Variants in NELL1 observed in about 807,000 individuals in gnomAD.
The protein encoded by NELL1 is neural EGFL like 1, also known as protein kinase C-binding protein NELL1.
NELL1 carries 76 observed loss-of-function variants against 107.4 expected under a neutral mutation model. The observed-to-expected ratio is 0.71, with a 90% CI of 0.59 to 0.86. The LOEUF is 0.86. Ranked by LOEUF, NELL1 falls within the 40% of genes least tolerant of loss-of-function variation. The pLI is 0.00. For synonymous variants in NELL1, 353 were observed against 341.2 expected (o/e 1.03, Z -0.38); for missense variants, 1,024 against 1,005.5 (o/e 1.02, Z -0.25).
chr11:21,119,854 C>T (rs1855325012), intron 13 of NELL1, among the ~76,000 whole-genome samples: 1 of 152,050 alleles, frequency 6.6e-6, no homozygotes, highest in Non-Finnish European at 1.5e-5. Context: ...CAACTAAACT[C>T]CCCGTGTTTC....
intron 13 of NELL1, among the ~76,000 whole-genome samples, chr11:21,207,492 C>T (rs1347198754): frequency 6.6e-6 from 1 of 151,986 alleles, no homozygotes; most frequent in African/African-American, 2.4e-5. Flanking sequence ...AGAAACAGAC[C>T]CACATCACAC....
intron 12 of NELL1, among the ~76,000 whole-genome samples, chr11:20,983,152 G>GT (rs1453656277): frequency 6.6e-6 from 1 of 152,082 alleles, no homozygotes; most frequent in East Asian, 1.9e-4. Context: ...TTATAGTTCT[G>GT]TATCAGTATC....
chr11:21,323,153 T>C (rs959648853), intron 14 of NELL1, among the ~76,000 whole-genome samples: 5 of 152,186 alleles, frequency 3.3e-5, no homozygotes, highest in Non-Finnish European at 7.3e-5. Flanking sequence ...AGTGGCTTTA[T>C]TATTATCTGG....
At chr11:21,007,321 A>C (rs1852348480) in intron 12 of NELL1, among the ~76,000 whole-genome samples, 1 of 152,082 alleles carries the variant, frequency 6.6e-6, no homozygotes, top group African/African-American at 2.4e-5. Context: ...AGAAGACATA[A>C]TAACATGTGA....
chr11:21,373,065 C>G (rs548788391), intron 15 of NELL1, among the ~76,000 whole-genome samples: 1 of 152,118 alleles, frequency 6.6e-6, no homozygotes, highest in African/African-American at 2.4e-5. Context: ...TGAACTCTTG[C>G]ACAGTCATCA....
chr11:21,295,789 G>A (rs978797555), intron 14 of NELL1, among the ~76,000 whole-genome samples: 2 of 151,922 alleles, frequency 1.3e-5, no homozygotes, highest in African/African-American at 2.4e-5. Flanking sequence ...CACTGATATG[G>A]GAAGCTACTG....
At position 21,560,373 on chromosome 11, in the gene NELL1, C is replaced by T; in HGVS notation, c.1971C>T (p.Cys657=). ...WTLKEDRCSV[C]SCKDGKIFCR... ...TGAAAGAAGACAGGTGTTCTGTCTG[C>T]TCCTGCAAGGTGAGGCTGATGTGGT... Residue 657 remains cysteine, a synonymous_variant, in exon 17 of 20, where the codon TGC becomes TGT. Transcript: ENST00000357134. 6.3e-7 allele frequency: 1 copy of T among 1,579,464 alleles called. No individual in the cohort carries two copies. Among genetic ancestry groups the T allele is most frequent in the Non-Finnish European group, 8.6e-7 (1 of 1,164,394 alleles).
At chr11:21,507,436 A>G (rs1241096749) in intron 15 of NELL1, among the ~76,000 whole-genome samples, 1 of 152,334 alleles carries the variant, frequency 6.6e-6, no homozygotes, top group Middle Eastern at 3.4e-3. Flanking sequence ...TCTTTCATTT[A>G]AAGACTTTAA....
intron 4 of NELL1, among the ~76,000 whole-genome samples, chr11:20,865,791 T>G (rs1849084609): frequency 6.6e-6 from 1 of 152,186 alleles, no homozygotes; most frequent in Non-Finnish European, 1.5e-5. Flanking sequence ...CCTCACAGTT[T>G]ATGTACTCCT....
At chr11:21,177,055 C>T (rs992107640) in intron 13 of NELL1, among the ~76,000 whole-genome samples, 4 of 151,602 alleles carry the variant, frequency 2.6e-5, no homozygotes, top group Non-Finnish European at 2.9e-5. Context: ...TCAAATCAGG[C>T]TAATTAACAT....
chr11:21,279,494 T>C (rs183427447), intron 14 of NELL1, among the ~76,000 whole-genome samples: 1 of 152,182 alleles, frequency 6.6e-6, no homozygotes. Flanking sequence ...AATAAACATA[T>C]GAGAAGATGC....
intron 7 of NELL1, among the ~76,000 whole-genome samples, chr11:20,926,239 A>G (rs1226976906): frequency 6.6e-6 from 1 of 152,156 alleles, no homozygotes; most frequent in African/African-American, 2.4e-5. Context: ...AAAGTGCTGT[A>G]TTTAGGGTTT....
intron 13 of NELL1, among the ~76,000 whole-genome samples, chr11:21,202,589 T>C (rs1337969911): frequency 6.6e-6 from 1 of 152,178 alleles, no homozygotes; most frequent in Admixed American, 6.5e-5. Context: ...CCTGGATTCA[T>C]TGATTTTCTG....
intron 13 of NELL1, among the ~76,000 whole-genome samples, chr11:21,161,314 G>C (rs556887369): frequency 1.9e-4 from 29 of 152,274 alleles, no homozygotes; most frequent in Admixed American, 5.2e-4. Context: ...GAGACAGGCA[G>C]ATCATTTGAG....
chr11:20,752,078 C>T (rs1454645114), intron 2 of NELL1, among the ~76,000 whole-genome samples: 1 of 152,076 alleles, frequency 6.6e-6, no homozygotes, highest in African/African-American at 2.4e-5. Context: ...TGCCTTATTG[C>T]ACTGATCAGT....
intron 16 of NELL1, among the ~76,000 whole-genome samples, chr11:21,556,579 C>T (rs1198498390): frequency 6.6e-6 from 1 of 151,864 alleles, no homozygotes; most frequent in African/African-American, 2.4e-5. Flanking sequence ...ATTCTATTTT[C>T]TTACATGCCC....
rs539789883 is a variant in NELL1 at position 21,492,639 on chromosome 11, G to A, written c.1646-41735G>A. The stretch of plus-strand genomic sequence containing the variant: ...AAATCATCATTCTCAGTAAACTATC[G>A]CAAGGACAAAAAACCAAACACTGCA... On this transcript the variant is annotated intron_variant, in intron 15 of 19. Coordinates refer to ENST00000357134, the MANE Select transcript of NELL1 (RefSeq NM_006157.5). Among the ~76,000 whole-genome samples, 204 of 150,250 alleles carry A rather than the reference G, an allele frequency of 1.4e-3. 2 individuals carry two copies. The highest frequency in any genetic ancestry group is 4.8e-3 in the African/African-American group (195 of 40,892).
At chr11:21,379,443 T>G (rs1851558605) in intron 15 of NELL1, among the ~76,000 whole-genome samples, 1 of 152,086 alleles carries the variant, frequency 6.6e-6, no homozygotes, top group Non-Finnish European at 1.5e-5. Flanking sequence ...GTTTTTGAAA[T>G]ATAGTAAGTA....
chr11:21,060,233 T>C (rs1370292561), intron 12 of NELL1, among the ~76,000 whole-genome samples: 1 of 152,220 alleles, frequency 6.6e-6, no homozygotes, highest in East Asian at 1.9e-4. Flanking sequence ...CTACTTATTA[T>C]CTTTGGGACA....
Sources: allele counts gnomAD v4.1 joint callset (sites outside exome capture counted in the v4.1 genomes callset), GRCh38; gene constraint gnomAD v4.1.1; transcripts MANE v1.5; gene names NCBI Gene and HGNC (gene_info 2026-07-23, HGNC 2026-07-21).